Variants in PRKCH observed in about 807,000 individuals in gnomAD.
The protein encoded by PRKCH is protein kinase C eta.
A neutral mutation model predicts 82.5 loss-of-function variants in PRKCH; 28 were observed. That is an observed-to-expected ratio of 0.34 (90% CI 0.25 to 0.47). The LOEUF (loss-of-function observed/expected upper bound fraction) is 0.47, where lower values mean the gene tolerates loss of function less well. Among genes scored for constraint, PRKCH ranks in the 20% least tolerant of loss-of-function variants. The pLI is 1.00. For missense variants in PRKCH, 705 were observed against 881.8 expected, an observed-to-expected ratio of 0.80 and a Z score of 2.54; for synonymous variants, 322 against 327.4, an observed-to-expected ratio of 0.98 and a Z score of 0.18.
At chr14:61,356,004 A>G (rs930248925) in intron 1 of PRKCH, among the ~76,000 whole-genome samples, 1 of 152,164 alleles carries the variant, frequency 6.6e-6, no homozygotes, top group Non-Finnish European at 1.5e-5. Flanking sequence ...CCTGCCGAGG[A>G]GGGTAGTCTT....
chr14:61,516,179 T>G (rs2042826811), intron 10 of PRKCH, among the ~76,000 whole-genome samples: 1 of 152,038 alleles, frequency 6.6e-6, no homozygotes, highest in Non-Finnish European at 1.5e-5. Context: ...GGGAAGCAGA[T>G]TGAGGGAGGC....
intron 1 of PRKCH, among the ~76,000 whole-genome samples, chr14:61,284,746 G>T (rs1254839257): frequency 6.6e-6 from 1 of 152,032 alleles, no homozygotes; most frequent in African/African-American, 2.4e-5. Flanking sequence ...ATTGTTTTTT[G>T]TATCAGTGTT....
At chr14:61,273,029 T>G (rs766989186) in intron 1 of PRKCH, among the ~76,000 whole-genome samples, 1 of 152,152 alleles carries the variant, frequency 6.6e-6, no homozygotes, top group Non-Finnish European at 1.5e-5. Context: ...TATATTACTT[T>G]AAAAAAATAA....
chr14:61,421,799 A>G (rs1882848367), intron 2 of PRKCH, among the ~76,000 whole-genome samples: 1 of 152,170 alleles, frequency 6.6e-6, no homozygotes, highest in Non-Finnish European at 1.5e-5. Context: ...GCTGTGTGGT[A>G]AGAGCTTTGG....
chr14:61,376,933 C>T (rs779809932), intron 1 of PRKCH, among the ~76,000 whole-genome samples: 1 of 152,134 alleles, frequency 6.6e-6, no homozygotes, highest in Non-Finnish European at 1.5e-5. Flanking sequence ...TGTCTCTTTC[C>T]CCATGTTGGC....
intron 1 of PRKCH, among the ~76,000 whole-genome samples, chr14:61,214,597 G>A (rs889662218): frequency 6.6e-6 from 1 of 152,102 alleles, no homozygotes; most frequent in Non-Finnish European, 1.5e-5. Context: ...CTTGGTGTCA[G>A]TATAGTCAGG....
chr14:61,385,633 T>C (rs2046576753), intron 1 of PRKCH, among the ~76,000 whole-genome samples: 1 of 152,120 alleles, frequency 6.6e-6, no homozygotes, highest in South Asian at 2.1e-4. Context: ...CAGCCTGACT[T>C]CACCCTTTAA....
Position 61,419,181 on chromosome 14 carries a change from T to G in PRKCH, c.428-23930T>G, listed in dbSNP as rs79651156. ...TTATAGGAATTTAAAAGCAAATGTCTGATGTGAAAATCTATGCTATTTTAG... is the reference window on the plus strand; with the variant it reads ...TTATAGGAATTTAAAAGCAAATGTCGGATGTGAAAATCTATGCTATTTTAG... On this transcript the variant is annotated intron_variant, in intron 2 of 13. Coordinates refer to ENST00000332981, the MANE Select transcript of PRKCH (RefSeq NM_006255.5). Among the ~76,000 whole-genome samples, 155 of 152,332 alleles carry G rather than the reference T, an allele frequency of 1.0e-3. 4 individuals carry two copies. The East Asian group carries it at 0.022, about 21-fold the overall frequency.
chr14:61,363,146 G>A (rs2046252124), intron 1 of PRKCH, among the ~76,000 whole-genome samples: 1 of 152,202 alleles, frequency 6.6e-6, no homozygotes, highest in Admixed American at 6.5e-5. Context: ...AGCATATAAA[G>A]CATAAGGGTG....
At chr14:61,341,625 C>T (rs998324108) in intron 1 of PRKCH, among the ~76,000 whole-genome samples, 9 of 152,180 alleles carry the variant, frequency 5.9e-5, no homozygotes, top group South Asian at 4.2e-4. Context: ...GGAATGGGTA[C>T]GGGATAGTAG....
chr14:61,264,579 C>G (rs1303420155), intron 1 of PRKCH, among the ~76,000 whole-genome samples: 1 of 152,198 alleles, frequency 6.6e-6, no homozygotes, highest in Non-Finnish European at 1.5e-5. Context: ...CCTAATTCAA[C>G]TCTCTCTAAA....
At chr14:61,323,579 G>T (rs1165161678) in intron 1 of PRKCH, among the ~76,000 whole-genome samples, 2 of 152,084 alleles carry the variant, frequency 1.3e-5, no homozygotes, top group Non-Finnish European at 2.9e-5. Flanking sequence ...GCTCATTTAG[G>T]TATTTATTTT....
rs1249726064 is a variant in PRKCH at position 61,210,772 on chromosome 14, C to CTGTG, written c.-19+23105_-19+23106insGTGT. On this transcript the variant is annotated intron_variant, in intron 1 of 3. Coordinates refer to the PRKCH transcript ENST00000555185. ...GAGTCCTTTCTCTCTCTCTCTCTCT[C>CTGTG]TCTCTCTCTCTCTCTCTCTGTGTGT... Among the ~76,000 whole-genome samples the CTGTG allele has an allele frequency of 7.5e-4, 102 of 135,264 alleles. 2 individuals are homozygous for CTGTG. The East Asian group carries it at 0.012, about 16-fold the overall frequency. 88.7% of individuals were successfully genotyped at this position (135,264 alleles called of 152,430 possible). A position where few individuals can be genotyped will look rare whatever the true frequency, so the allele number is the denominator to read the frequency against.
At chr14:61,331,936 G>A (rs545710875) in intron 1 of PRKCH, among the ~76,000 whole-genome samples, 98 of 152,294 alleles carry the variant, frequency 6.4e-4, no homozygotes, top group Admixed American at 1.4e-3. Flanking sequence ...AGTGATGTTG[G>A]TATTATTTTC....
chr14:61,322,092 C>T lies in PRKCH; in HGVS notation c.-10C>T, dbSNP rs1181321734. ...GCGCGGCCCCCCGGGGCCGGGGCAG[C>T]GGCGCCGGCATGTCGTCTGGCACCA... On this transcript the variant is annotated 5_prime_UTR_variant, in exon 1 of 14. Transcript: ENST00000332981. 8.5e-6 allele frequency: 13 copies of T among 1,533,044 alleles called. No individual in the cohort carries two copies. Among genetic ancestry groups the T allele is most frequent in the Non-Finnish European group, 1.1e-5 (12 of 1,134,170 alleles). The allele number at this position is 1,533,044 out of a possible 1,614,324, so 95.0% of individuals were successfully genotyped here.
intron 10 of PRKCH, among the ~76,000 whole-genome samples, chr14:61,520,671 A>G (rs1457895162): frequency 2.0e-5 from 3 of 152,236 alleles, no homozygotes; most frequent in Admixed American, 6.5e-5. Flanking sequence ...ATAGTCAAGA[A>G]ATGAAGTTGA....
chr14:61,414,576 GCTT>G (rs1203265479), intron 2 of PRKCH, among the ~76,000 whole-genome samples: 1 of 145,426 alleles, frequency 6.9e-6, no homozygotes, highest in Non-Finnish European at 1.5e-5. Context: ...CCCGGCATGG[GCTT>G]CATTTATTCT....
intron 1 of PRKCH, among the ~76,000 whole-genome samples, chr14:61,204,378 G>T (rs1020438608): frequency 2.0e-5 from 3 of 151,998 alleles, no homozygotes; most frequent in African/African-American, 7.3e-5. Flanking sequence ...ACTTTCCCAG[G>T]TCACGTAACT....
intron 10 of PRKCH, among the ~76,000 whole-genome samples, chr14:61,514,866 C>G (rs1017105269): frequency 6.6e-6 from 1 of 152,196 alleles, no homozygotes; most frequent in African/African-American, 2.4e-5. Flanking sequence ...GAAATTTGTT[C>G]TCTCTGCCTG....
Sources: allele counts gnomAD v4.1 joint callset (sites outside exome capture counted in the v4.1 genomes callset), GRCh38; gene constraint gnomAD v4.1.1; transcripts MANE v1.5; gene names NCBI Gene and HGNC (gene_info 2026-07-23, HGNC 2026-07-21).